CDH20: variants seen among roughly 807,000 people sequenced by gnomAD.
The protein encoded by CDH20 is cadherin-20.
CDH20 carries 29 observed loss-of-function variants against 74.2 expected under a neutral mutation model. That is an observed-to-expected ratio of 0.39 (90% CI 0.29 to 0.53). The LOEUF is 0.53. CDH20 is among the 20% of genes least tolerant of loss of function. CDH20 has a pLI of 0.69. For synonymous variants in CDH20, 469 were observed against 405.4 expected (o/e 1.16, Z -1.88); for missense variants, 988 against 1,048.3 (o/e 0.94, Z 0.79).
intron 1 of CDH20, among the ~76,000 whole-genome samples, chr18:61,400,129 G>A (rs1912108562): frequency 6.6e-6 from 1 of 152,186 alleles, no homozygotes. Context: ...TTGCTGTACT[G>A]TGAGACTGTT....
At chr18:61,363,686 G>C (rs912970859) in intron 1 of CDH20, among the ~76,000 whole-genome samples, 1 of 152,144 alleles carries the variant, frequency 6.6e-6, no homozygotes, top group Non-Finnish European at 1.5e-5. Context: ...AAAGAGAATA[G>C]TGACTTACTT....
intron 1 of CDH20, among the ~76,000 whole-genome samples, chr18:61,445,937 G>A (rs1345620224): frequency 1.3e-5 from 2 of 152,040 alleles, no homozygotes; most frequent in South Asian, 2.1e-4. Context: ...CTCAGCCTAG[G>A]CTGAGGGTCC....
intron 1 of CDH20, among the ~76,000 whole-genome samples, chr18:61,357,457 C>A (rs928047209): frequency 6.6e-6 from 1 of 152,106 alleles, no homozygotes; most frequent in Non-Finnish European, 1.5e-5. Flanking sequence ...TACAGCTGCT[C>A]AACAAAATCA....
At chr18:61,407,564 C>T (rs1912371196) in intron 1 of CDH20, among the ~76,000 whole-genome samples, 1 of 152,114 alleles carries the variant, frequency 6.6e-6, no homozygotes, top group African/African-American at 2.4e-5. Context: ...TTGCCATTTA[C>T]CCTCAGAGAA....
chr18:61,399,441 C>T (rs1160428861), intron 1 of CDH20, among the ~76,000 whole-genome samples: 1 of 152,170 alleles, frequency 6.6e-6, no homozygotes, highest in Admixed American at 6.5e-5. Context: ...CTCCCTGTTA[C>T]ACTTGGCTTT....
chr18:61,408,818 T>C (rs1912409076), intron 1 of CDH20, among the ~76,000 whole-genome samples: 1 of 152,154 alleles, frequency 6.6e-6, no homozygotes, highest in African/African-American at 2.4e-5. Context: ...CCCACCACCT[T>C]TTTACTCAAA....
At chr18:61,492,784 A>C (rs62098150) in intron 2 of CDH20, among the ~76,000 whole-genome samples, 28,838 of 152,128 alleles carry the variant, frequency 0.19, 3,006 homozygotes, top group South Asian at 0.43. Flanking sequence ...TCTTATTTAC[A>C]TGTTTATTGT....
rs553347985 is a variant in CDH20, at chr18:61,539,218, C to T, written c.1530+73C>T. ...GAAACAATTGTTAGATAACCAAATTCACCATCAAAGCCATTTTGACTCCAG... is the reference window on the plus strand; with the variant it reads ...GAAACAATTGTTAGATAACCAAATTTACCATCAAAGCCATTTTGACTCCAG... On this transcript the variant is annotated intron_variant, in intron 9 of 11. Coordinates refer to ENST00000262717, the MANE Select transcript of CDH20 (RefSeq NM_031891.4). The T allele has an allele frequency of 5.3e-6, 8 of 1,506,470 alleles. No individual in the cohort carries two copies. In the Admixed American group the frequency reaches 1.5e-4, roughly 28 times the overall value. 93.3% of individuals were successfully genotyped at this position (1,506,470 alleles called of 1,614,324 possible).
Position 61,539,162 on chromosome 18 carries a change from G to A in CDH20, c.1530+17G>A. 2 of 1,613,234 alleles carry A rather than the reference G, an allele frequency of 1.2e-6. No homozygotes were observed. The highest frequency in any genetic ancestry group is 1.7e-4 in the Middle Eastern group (1 of 6,060). ...GCAGGACAGGTAAGGTGGCCTGTGG[G>A]TGGTGCACTCTGCTTAACCCCTAAC... On this transcript the variant is annotated intron_variant, in intron 9 of 11. Transcript: ENST00000262717.
At chr18:61,518,308 G>A (rs550070902) in intron 6 of CDH20, among the ~76,000 whole-genome samples, 28 of 152,294 alleles carry the variant, frequency 1.8e-4, no homozygotes, top group African/African-American at 2.4e-4. Context: ...CTTGACCCCC[G>A]TGCCTCCTGA....
At chr18:61,359,893 G>A (rs1378477139) in intron 1 of CDH20, among the ~76,000 whole-genome samples, 2 of 152,168 alleles carry the variant, frequency 1.3e-5, no homozygotes, top group East Asian at 1.9e-4. Flanking sequence ...CTCCATCTAT[G>A]TGCACCAAGT....
intron 1 of CDH20, among the ~76,000 whole-genome samples, chr18:61,406,309 T>C (rs1912328208): frequency 6.6e-6 from 1 of 152,218 alleles, no homozygotes; most frequent in Non-Finnish European, 1.5e-5. Context: ...AGTAATAGGA[T>C]AAAATGTGCA....
chr18:61,540,377 A>C (rs1438525870), intron 9 of CDH20, among the ~76,000 whole-genome samples: 5 of 152,180 alleles, frequency 3.3e-5, no homozygotes, highest in African/African-American at 1.2e-4. Flanking sequence ...CTGCTGATAA[A>C]GACATACCCA....
intron 1 of CDH20, among the ~76,000 whole-genome samples, chr18:61,468,036 T>C (rs1283037956): frequency 6.6e-6 from 1 of 152,206 alleles, no homozygotes; most frequent in African/African-American, 2.4e-5. Context: ...TTACACATCC[T>C]GTACACAGTG....
intron 1 of CDH20, among the ~76,000 whole-genome samples, chr18:61,423,375 A>G (rs543909675): frequency 6.8e-6 from 1 of 147,292 alleles, no homozygotes; most frequent in African/African-American, 2.4e-5. Context: ...GTGTCTGAGG[A>G]CTCATGCCTT....
At chr18:61,354,740 T>C (rs954785238) in intron 1 of CDH20, among the ~76,000 whole-genome samples, 2 of 152,112 alleles carry the variant, frequency 1.3e-5, no homozygotes, top group Non-Finnish European at 2.9e-5. Flanking sequence ...TAACATATAT[T>C]GATATTATTT....
chr18:61,416,458 C>T (rs1379656899), intron 1 of CDH20, among the ~76,000 whole-genome samples: 1 of 152,172 alleles, frequency 6.6e-6, no homozygotes, highest in Non-Finnish European at 1.5e-5. Context: ...GACAGTCCAA[C>T]CTTAGAAATG....
intron 1 of CDH20, among the ~76,000 whole-genome samples, chr18:61,475,116 G>C (rs1910323040): frequency 6.6e-6 from 1 of 152,172 alleles, no homozygotes; most frequent in Admixed American, 6.5e-5. Flanking sequence ...CAGATAACAG[G>C]ATAGATGAGA....
chr18:61,502,673 G>C (rs1229714667), intron 4 of CDH20, among the ~76,000 whole-genome samples: 1 of 152,144 alleles, frequency 6.6e-6, no homozygotes. Flanking sequence ...AGATCTGTAA[G>C]AGAAACATTG....
Sources: allele counts gnomAD v4.1 joint callset (sites outside exome capture counted in the v4.1 genomes callset), GRCh38; gene constraint gnomAD v4.1.1; transcripts MANE v1.5; gene names NCBI Gene and HGNC (gene_info 2026-07-23, HGNC 2026-07-21).